Variants in SOX6 observed in about 807,000 individuals in gnomAD.
SOX6 encodes SRY-box transcription factor 6, also known as transcription factor SOX-6.
SOX6 carries 11 observed loss-of-function variants against 97.8 expected under a neutral mutation model. The observed-to-expected ratio is 0.11, with a 90% CI of 0.07 to 0.19. SOX6 has a LOEUF of 0.19. SOX6 is among the 10% of genes least tolerant of loss of function. SOX6 has a pLI of 1.00. For synonymous variants in SOX6, 360 were observed against 371.4 expected, an observed-to-expected ratio of 0.97 and a Z score of 0.35; for missense variants, 810 against 1,039.5, an observed-to-expected ratio of 0.78 and a Z score of 3.04.
chr11:16,291,157 TA>T (rs1321744733), intron 3 of SOX6, among the ~76,000 whole-genome samples: 4 of 150,400 alleles, frequency 2.7e-5, no homozygotes, highest in African/African-American at 4.9e-5. Flanking sequence ...TGGGAGAAGA[TA>T]GGGGGATAAT....
chr11:16,339,653 C>A (rs1856566921), intron 2 of SOX6, among the ~76,000 whole-genome samples: 1 of 151,930 alleles, frequency 6.6e-6, no homozygotes, highest in Admixed American at 6.6e-5. Context: ...TTCCCTCTCC[C>A]AGACTATAAA....
At chr11:16,214,445 T>C (rs1217328882) in intron 4 of SOX6, among the ~76,000 whole-genome samples, 1 of 152,158 alleles carries the variant, frequency 6.6e-6, no homozygotes, top group East Asian at 1.9e-4. Context: ...AGCTTACTTT[T>C]TGACACTTGT....
intron 4 of SOX6, among the ~76,000 whole-genome samples, chr11:16,546,717 G>C (rs988185666): frequency 6.6e-6 from 1 of 152,046 alleles, no homozygotes; most frequent in African/African-American, 2.4e-5. Context: ...GAATTTTATA[G>C]CTAAGACCCA....
At chr11:16,414,544 TACTTA>T (rs1277482202) in intron 1 of SOX6, among the ~76,000 whole-genome samples, 1 of 152,160 alleles carries the variant, frequency 6.6e-6, no homozygotes, top group African/African-American at 2.4e-5. Context: ...AGATGGATTA[TACTTA>T]ATACCCCTGC....
At chr11:16,589,508 T>C (rs1589997286) in intron 4 of SOX6, among the ~76,000 whole-genome samples, 2 of 152,124 alleles carry the variant, frequency 1.3e-5, no homozygotes, top group Non-Finnish European at 2.9e-5. Flanking sequence ...AAAAAAACTA[T>C]AGCTTAAGGA....
intron 4 of SOX6, among the ~76,000 whole-genome samples, chr11:16,208,535 A>C (rs1048543662): frequency 6.6e-6 from 1 of 152,232 alleles, no homozygotes; most frequent in African/African-American, 2.4e-5. Flanking sequence ...TTTTACTTGA[A>C]AAAATGACTG....
At chr11:16,642,105 G>A (rs1848925778) in intron 3 of SOX6, among the ~76,000 whole-genome samples, 2 of 152,108 alleles carry the variant, frequency 1.3e-5, no homozygotes, top group South Asian at 2.1e-4. Context: ...AGGCCTGGTG[G>A]TGACAAAATC....
intron 6 of SOX6, among the ~76,000 whole-genome samples, chr11:16,138,068 A>T (rs1315955867): frequency 6.6e-6 from 1 of 152,226 alleles, no homozygotes; most frequent in African/African-American, 2.4e-5. Flanking sequence ...GCAAATATAT[A>T]CATATTTCTT....
chr11:16,199,736 C>T (rs1851882460), intron 4 of SOX6, among the ~76,000 whole-genome samples: 1 of 152,074 alleles, frequency 6.6e-6, no homozygotes, highest in African/African-American at 2.4e-5. Context: ...AGTCTGATGG[C>T]TCAGGGAACT....
intron 1 of SOX6, among the ~76,000 whole-genome samples, chr11:16,354,106 T>A (rs1857017691): frequency 6.6e-6 from 1 of 151,974 alleles, no homozygotes; most frequent in South Asian, 2.1e-4. Context: ...AAGACTTAAA[T>A]CTCATTTACT....
intron 1 of SOX6, among the ~76,000 whole-genome samples, chr11:16,453,641 G>A (rs964576597): frequency 2.0e-5 from 3 of 152,102 alleles, no homozygotes; most frequent in Admixed American, 2.0e-4. Context: ...TCGGGCACTA[G>A]TTGTGAATCA....
At chr11:16,471,622 T>C (rs920917057) in intron 1 of SOX6, among the ~76,000 whole-genome samples, 3 of 152,184 alleles carry the variant, frequency 2.0e-5, no homozygotes, top group African/African-American at 7.2e-5. Context: ...TAGACAAATA[T>C]TTCTATCGTT....
In SOX6 at chr11:16,467,769, T is replaced by G. The variant is rs140206888; in HGVS notation, c.-5+8546A>C. ...TTACCTATGTAATAAACCCTGCACA[T>G]GTACCCCTGAACTTAAAAGTTAAAA... On this transcript the variant is annotated intron_variant, in intron 1 of 15. Transcript: ENST00000396356. Among the ~76,000 whole-genome samples, 1,377 of 152,184 alleles carry G rather than the reference T, an allele frequency of 9.0e-3. 21 individuals are homozygous for G. Among genetic ancestry groups the G allele is most frequent in the African/African-American group, 0.032 (1,316 of 41,520 alleles).
chr11:16,416,021 A>C (rs1217765575), intron 1 of SOX6, among the ~76,000 whole-genome samples: 2 of 152,172 alleles, frequency 1.3e-5, no homozygotes, highest in Non-Finnish European at 2.9e-5. Flanking sequence ...AAGAGTATAC[A>C]CTTACTCTGT....
At chr11:16,710,015 A>G (rs528617033) in intron 3 of SOX6, among the ~76,000 whole-genome samples, 155 of 152,288 alleles carry the variant, frequency 1.0e-3, no homozygotes, top group Non-Finnish European at 1.7e-3. Context: ...TTTATTACTT[A>G]TTTATGCTTG....
intron 7 of SOX6, among the ~76,000 whole-genome samples, chr11:16,102,517 A>G (rs899958432): frequency 6.6e-6 from 1 of 151,876 alleles, no homozygotes; most frequent in African/African-American, 2.4e-5. Context: ...TCAAGGAACT[A>G]GTAAAAAGAA....
chr11:16,099,305 A>T (rs1471562333), intron 7 of SOX6, among the ~76,000 whole-genome samples: 3 of 151,888 alleles, frequency 2.0e-5, no homozygotes, highest in Non-Finnish European at 4.4e-5. Context: ...TTATGCTTAA[A>T]CAATTCTACT....
intron 9 of SOX6, among the ~76,000 whole-genome samples, chr11:16,091,158 A>T (rs1848678219): frequency 6.6e-6 from 1 of 152,040 alleles, no homozygotes; most frequent in South Asian, 2.1e-4. Context: ...AAATTCCACC[A>T]CACTCTTAAA....
intron 1 of SOX6, among the ~76,000 whole-genome samples, chr11:16,349,021 G>T (rs1856838853): frequency 6.6e-6 from 1 of 152,064 alleles, no homozygotes; most frequent in African/African-American, 2.4e-5. Context: ...CTACCAAAGT[G>T]ATCTCAGTAA....
Sources: allele counts gnomAD v4.1 joint callset (sites outside exome capture counted in the v4.1 genomes callset), GRCh38; gene constraint gnomAD v4.1.1; transcripts MANE v1.5; gene names NCBI Gene and HGNC (gene_info 2026-07-23, HGNC 2026-07-21).